Variants in MYOZ2 observed in about 807,000 individuals in gnomAD.
MYOZ2 encodes myozenin-2.
A neutral mutation model predicts 25.4 loss-of-function variants in MYOZ2; 19 were observed. The ratio of observed to expected loss-of-function variants is 0.75; its 90% CI spans 0.52 to 1.10. MYOZ2 has a LOEUF of 1.10. Among genes scored for constraint, MYOZ2 ranks in the 50% least tolerant of loss-of-function variants. The probability of loss-of-function intolerance (pLI) is 0.00; values close to 1 mark genes in which losing one functional copy is unlikely to be tolerated. For synonymous variants in MYOZ2, 92 were observed against 106.9 expected, an observed-to-expected ratio of 0.86 and a Z score of 0.86; for missense variants, 270 against 317.9, an observed-to-expected ratio of 0.85 and a Z score of 1.15.
intron 2 of MYOZ2, among the ~76,000 whole-genome samples, chr4:119,148,952 T>C (rs893378588): frequency 2.6e-5 from 4 of 152,124 alleles, no homozygotes; most frequent in African/African-American, 9.7e-5. Context: ...GAGATTTTTC[T>C]AGTTCTTTGT....
intron 5 of MYOZ2, among the ~76,000 whole-genome samples, chr4:119,169,982 T>TTTG (rs1741913919): frequency 6.6e-6 from 1 of 152,164 alleles, no homozygotes; most frequent in Non-Finnish European, 1.5e-5. Flanking sequence ...AAAAATATTT[T>TTTG]TTGTTGTTGT....
intron 4 of MYOZ2, among the ~76,000 whole-genome samples, chr4:119,158,963 G>A (rs1373059067): frequency 6.6e-6 from 1 of 152,016 alleles, no homozygotes; most frequent in African/African-American, 2.4e-5. Flanking sequence ...GAGTATAACT[G>A]GATTGTTTAT....
chr4:119,136,915 G>A (rs577575461), intron 2 of MYOZ2, among the ~76,000 whole-genome samples: 1 of 151,662 alleles, frequency 6.6e-6, no homozygotes, highest in South Asian at 2.1e-4. Flanking sequence ...TTTTTTTTCT[G>A]GACAAGTCTC....
chr4:119,179,115 A>G (rs962019960), intron 5 of MYOZ2, among the ~76,000 whole-genome samples: 1 of 152,212 alleles, frequency 6.6e-6, no homozygotes, highest in African/African-American at 2.4e-5. Context: ...ACTGTTACAC[A>G]TAAAATACAA....
chr4:119,185,482 T>C (rs1450106889), intron 5 of MYOZ2, among the ~76,000 whole-genome samples: 5 of 152,100 alleles, frequency 3.3e-5, no homozygotes, highest in Non-Finnish European at 5.9e-5. Context: ...GCCCGGCTAA[T>C]TTTTGTAATT....
chr4:119,182,990 A>T (rs572863330), intron 5 of MYOZ2, among the ~76,000 whole-genome samples: 129 of 152,034 alleles, frequency 8.5e-4, no homozygotes, highest in African/African-American at 2.9e-3. Context: ...ATTCTTTAAT[A>T]AAAAAACACA....
chr4:119,184,842 A>C (rs1263120173), intron 5 of MYOZ2, among the ~76,000 whole-genome samples: 1 of 152,212 alleles, frequency 6.6e-6, no homozygotes, highest in Admixed American at 6.5e-5. Flanking sequence ...GCTTGACCTA[A>C]AAGAGTTTAT....
At chr4:119,160,318 G>GT (rs36015423) in intron 4 of MYOZ2, among the ~76,000 whole-genome samples, 18,826 of 148,166 alleles carry the variant, frequency 0.13, 1,406 homozygotes, top group South Asian at 0.2. Context: ...ACTTTTTGGA[G>GT]TTTTTTTTTT....
chr4:119,152,178 T>C (rs1741468101), intron 3 of MYOZ2, among the ~76,000 whole-genome samples: 1 of 115,808 alleles, frequency 8.6e-6, no homozygotes, highest in Admixed American at 9.6e-5. Context: ...CCATCAAATC[T>C]TACTCAACTA....
chr4:119,137,245 TC>T (rs1643841632), intron 2 of MYOZ2, among the ~76,000 whole-genome samples: 1 of 152,182 alleles, frequency 6.6e-6, no homozygotes, highest in Admixed American at 6.6e-5. Flanking sequence ...AGGTAATATT[TC>T]ACTCTCTCCT....
At chr4:119,160,053 C>T (rs1354334970) in intron 4 of MYOZ2, among the ~76,000 whole-genome samples, 1 of 152,150 alleles carries the variant, frequency 6.6e-6, no homozygotes, top group East Asian at 1.9e-4. Flanking sequence ...ATGGCTCTTC[C>T]CATTTTACTA....
At chr4:119,136,322 C>T (rs1397127953) in intron 1 of MYOZ2, among the ~76,000 whole-genome samples, 190 bp from the exon 2 acceptor site, 1 of 152,198 alleles carries the variant, frequency 6.6e-6, no homozygotes, top group Non-Finnish European at 1.5e-5. Context: ...TCTCTGTTCA[C>T]TGTGACATTG....
rs79944037 is a variant in MYOZ2, at chr4:119,163,395, A to G, written c.377-816A>G. Among the ~76,000 whole-genome samples the G allele has an allele frequency of 2.3e-3, 356 of 152,322 alleles. 1 individual carries two copies. The highest frequency in any genetic ancestry group is 8.1e-3 in the African/African-American group (338 of 41,560). ...GTGGAAGAGAGAATTGCAGGGATAT[A>G]ACTAGGTAATATGGCAGTGTAAACA... On this transcript the variant is annotated intron_variant, in intron 4 of 5. Transcript: ENST00000307128.
At chr4:119,175,550 G>A (rs1006569728) in intron 5 of MYOZ2, among the ~76,000 whole-genome samples, 1 of 152,022 alleles carries the variant, frequency 6.6e-6, no homozygotes, top group Middle Eastern at 3.4e-3. Context: ...TTAGGAGTTC[G>A]AGACCACCCT....
At chr4:119,181,333 T>C (rs908703855) in intron 5 of MYOZ2, among the ~76,000 whole-genome samples, 1 of 152,254 alleles carries the variant, frequency 6.6e-6, no homozygotes, top group African/African-American at 2.4e-5. Context: ...CTTTGGTTCA[T>C]GATTGTGATC....
chr4:119,148,364 C>T (rs1033972408), intron 2 of MYOZ2, among the ~76,000 whole-genome samples: 4 of 152,052 alleles, frequency 2.6e-5, no homozygotes, highest in Admixed American at 6.6e-5. Context: ...CTTAGCTTCT[C>T]GAATCTGTAA....
intron 5 of MYOZ2, among the ~76,000 whole-genome samples, chr4:119,174,151 C>T (rs989625251): frequency 6.6e-6 from 1 of 152,226 alleles, no homozygotes; most frequent in African/African-American, 2.4e-5. Flanking sequence ...CCATCGACCA[C>T]CCAGGGGCTG....
chr4:119,144,865 T>TGG (rs1741250221), intron 2 of MYOZ2, among the ~76,000 whole-genome samples: 1 of 152,240 alleles, frequency 6.6e-6, no homozygotes, highest in East Asian at 1.9e-4. Context: ...TTACATGTTT[T>TGG]GAAAATATTG....
chr4:119,158,023 A>C lies in MYOZ2; in HGVS notation c.248A>C (p.His83Pro), dbSNP rs1297866782. ...FQYQSRAQIN[H>P]SIAMQNGKVD... ...GAGTTTACTTTTGATTAAATACAGC[A>C]CAGTATTGCTATGCAGAATGGGAAA... is the stretch of plus-strand genomic sequence containing the variant. Residue 83 changes from histidine to proline, a missense_variant and splice_region_variant, in exon 4 of 6, where the codon CAC (histidine) becomes CCC (proline). By Grantham distance (77) the His-to-Pro change is moderately conservative. Coordinates refer to ENST00000307128, the MANE Select transcript of MYOZ2 (RefSeq NM_016599.5). 1 of 1,614,018 alleles carries C rather than the reference A, an allele frequency of 6.2e-7. No individual in the cohort carries two copies. The highest frequency in any genetic ancestry group is 1.1e-5 in the South Asian group (1 of 91,082).
Sources: allele counts gnomAD v4.1 joint callset (sites outside exome capture counted in the v4.1 genomes callset), GRCh38; gene constraint gnomAD v4.1.1; transcripts MANE v1.5; gene names NCBI Gene and HGNC (gene_info 2026-07-23, HGNC 2026-07-21).